ST8SIA1: variants seen among roughly 807,000 people sequenced by gnomAD.
The protein encoded by ST8SIA1 is ST8 alpha-N-acetyl-neuraminide alpha-2,8-sialyltransferase 1, also known as alpha-N-acetylneuraminide alpha-2,8-sialyltransferase.
A neutral mutation model predicts 35.9 loss-of-function variants in ST8SIA1; 16 were observed. The ratio of observed to expected loss-of-function variants is 0.45; its 90% CI spans 0.30 to 0.68. The LOEUF is 0.68. Ranked by LOEUF, ST8SIA1 falls within the 30% of genes least tolerant of loss-of-function variation. The pLI is 0.09. For synonymous variants in ST8SIA1, 170 were observed against 169.6 expected (o/e 1.00, Z -0.02); for missense variants, 383 against 453.6 (o/e 0.84, Z 1.41).
chr12:22,331,284 T>C (rs967050635), intron 1 of ST8SIA1, among the ~76,000 whole-genome samples: 12 of 152,200 alleles, frequency 7.9e-5, no homozygotes, highest in Non-Finnish European at 1.5e-4. Context: ...GGAAAGCTCT[T>C]AGAGGAGGCA....
chr12:22,317,042 G>T (rs1190883960), intron 1 of ST8SIA1, among the ~76,000 whole-genome samples: 1 of 152,078 alleles, frequency 6.6e-6, no homozygotes, highest in Non-Finnish European at 1.5e-5. Context: ...TTTCCTTTAA[G>T]AAGCTACTCT....
chr12:22,248,610 G>A (rs577947843), intron 4 of ST8SIA1, among the ~76,000 whole-genome samples: 68 of 152,314 alleles, frequency 4.5e-4, no homozygotes, highest in African/African-American at 1.6e-3. Context: ...ATTGGCCAAA[G>A]CAATGTAATG....
intron 4 of ST8SIA1, among the ~76,000 whole-genome samples, chr12:22,221,734 T>C (rs992372642): frequency 6.6e-6 from 1 of 152,262 alleles, no homozygotes; most frequent in Non-Finnish European, 1.5e-5. Flanking sequence ...TCATTTCACG[T>C]TGTGATTCAA....
chr12:22,273,945 T>C lies in ST8SIA1; in HGVS notation c.381+13204A>G, dbSNP rs1285864229. Among the ~76,000 whole-genome samples the C allele has an allele frequency of 2.0e-5, 3 of 152,170 alleles. No homozygotes were observed. In the East Asian group the frequency reaches 5.8e-4, roughly 29 times the overall value. ...TGAATATGAAGTTGCAAATGAAAGG[T>C]ACCTGGTGCTCTGGGGACCAGCCCC... On this transcript the variant is annotated intron_variant, in intron 2 of 4. Coordinates refer to ENST00000396037, the MANE Select transcript of ST8SIA1 (RefSeq NM_003034.4).
chr12:22,292,236 A>G (rs1355962082), intron 1 of ST8SIA1, among the ~76,000 whole-genome samples: 2 of 152,204 alleles, frequency 1.3e-5, no homozygotes, highest in African/African-American at 2.4e-5. Flanking sequence ...CAAAAATAAT[A>G]TCATGAGAAA....
chr12:22,228,596 G>A (rs1234607429), intron 4 of ST8SIA1, among the ~76,000 whole-genome samples: 2 of 152,216 alleles, frequency 1.3e-5, no homozygotes, highest in Non-Finnish European at 1.5e-5. Context: ...TGCCATTGGA[G>A]AGCTAATCCT....
intron 2 of ST8SIA1, among the ~76,000 whole-genome samples, chr12:22,283,942 C>T (rs541903949): frequency 3.9e-5 from 6 of 152,208 alleles, no homozygotes; most frequent in South Asian, 2.1e-4. Flanking sequence ...TTATGTACAC[C>T]GCATTATGTG....
Position 22,334,105 on chromosome 12 carries a change from A to G in ST8SIA1, c.128T>C (p.Leu43Pro). ...CAGCCGGTAGACGGGGAAGATGTAGAGCCAACAGAGGACCACGACACAGAG... is the reference window on the plus strand; with the variant it reads ...CAGCCGGTAGACGGGGAAGATGTAGGGCCAACAGAGGACCACGACACAGAG... Reference protein sequence around the residue: ...SALCVVVLCWLYIFPVYRLPN... With the variant: ...SALCVVVLCWPYIFPVYRLPN... The change falls in exon 1 of 5, where the codon CTC becomes CCC. Residue 43 changes from leucine to proline, a missense_variant. Transcript: ENST00000396037. 6.2e-7 allele frequency: 1 copy of G among 1,613,976 alleles called. No individual in the cohort carries two copies. The highest frequency in any genetic ancestry group is 1.6e-4 in the Middle Eastern group (1 of 6,062).
chr12:22,293,122 A>G (rs1438586339), intron 1 of ST8SIA1, among the ~76,000 whole-genome samples: 1 of 152,220 alleles, frequency 6.6e-6, no homozygotes, highest in Non-Finnish European at 1.5e-5. Context: ...CATTTTCAGT[A>G]GTAGAAGATC....
chr12:22,247,379 T>G (rs1303706842), intron 4 of ST8SIA1, among the ~76,000 whole-genome samples: 1 of 152,170 alleles, frequency 6.6e-6, no homozygotes, highest in East Asian at 1.9e-4. Flanking sequence ...GGGTAAAGAT[T>G]ATGTAGAGCC....
chr12:22,327,770 A>AC (rs1317520919), intron 1 of ST8SIA1, among the ~76,000 whole-genome samples: 1 of 152,082 alleles, frequency 6.6e-6, no homozygotes, highest in East Asian at 1.9e-4. Flanking sequence ...ACCCTCCCTA[A>AC]CCAAGACCTG....
chr12:22,214,760 G>C (rs1352746424), intron 4 of ST8SIA1, among the ~76,000 whole-genome samples: 1 of 152,142 alleles, frequency 6.6e-6, no homozygotes, highest in Non-Finnish European at 1.5e-5. Context: ...TTAAATTACA[G>C]AAATAATCAA....
intron 4 of ST8SIA1, among the ~76,000 whole-genome samples, chr12:22,240,186 T>C (rs1426994706): frequency 6.6e-6 from 1 of 152,144 alleles, no homozygotes; most frequent in Admixed American, 6.6e-5. Context: ...GTCCCCAAGG[T>C]AAATAATATT....
intron 4 of ST8SIA1, among the ~76,000 whole-genome samples, chr12:22,202,679 T>G (rs1309688324): frequency 6.6e-6 from 1 of 152,150 alleles, no homozygotes; most frequent in African/African-American, 2.4e-5. Context: ...AAGATACAAA[T>G]AAGTACAATA....
At chr12:22,286,577 G>A (rs1342764430) in intron 2 of ST8SIA1, 4 of 492,108 alleles carry the variant, frequency 8.1e-6, no homozygotes, top group African/African-American at 6.0e-5. Flanking sequence ...ATGTATATTA[G>A]AAAAACATTT....
Position 22,196,614 on chromosome 12 carries a change from T to C in ST8SIA1, c.*4938A>G, listed in dbSNP as rs1864991791. 1 of 152,190 alleles carries C rather than the reference T, an allele frequency of 6.6e-6. No homozygotes were observed. The highest frequency in any genetic ancestry group is 6.5e-5 in the Admixed American group (1 of 15,280). The allele number at this position is 152,190 out of a possible 1,614,324, so 9.4% of individuals were successfully genotyped here. ...TTCAGACTTCCTGTGAGTTAGTCTC[T>C]AGGACTTTTAAAGAAGCTATGTAGG... On this transcript the variant is annotated 3_prime_UTR_variant, in exon 5 of 5. Transcript: ENST00000396037.
intron 4 of ST8SIA1, among the ~76,000 whole-genome samples, chr12:22,247,584 A>G (rs1591833950): frequency 6.6e-6 from 1 of 152,158 alleles, no homozygotes; most frequent in African/African-American, 2.4e-5. Context: ...AAATACATTT[A>G]CATGGATTAC....
intron 1 of ST8SIA1, among the ~76,000 whole-genome samples, chr12:22,329,365 T>C (rs1030992828): frequency 6.6e-6 from 1 of 152,132 alleles, no homozygotes; most frequent in Non-Finnish European, 1.5e-5. Context: ...AAAAAACATA[T>C]ATAAGTGCTA....
At chr12:22,214,696 T>C (rs896357643) in intron 4 of ST8SIA1, among the ~76,000 whole-genome samples, 1 of 152,158 alleles carries the variant, frequency 6.6e-6, no homozygotes, top group Non-Finnish European at 1.5e-5. Context: ...ATAGGGCCTC[T>C]TGTTTATTTA....
Sources: gnomAD v4.1 joint callset for allele counts (sites outside exome capture counted in the v4.1 genomes callset) on GRCh38, gnomAD v4.1.1 for gene constraint, MANE v1.5 for transcripts, NCBI Gene and HGNC (gene_info 2026-07-23, HGNC 2026-07-21) for gene names.